Variants in COL24A1 observed in about 807,000 individuals in gnomAD.
COL24A1 encodes collagen alpha-1(XXIV) chain.
COL24A1 carries 224 observed loss-of-function variants against 253.9 expected under a neutral mutation model. That is an observed-to-expected ratio of 0.88 (90% CI 0.79 to 0.99). The LOEUF (loss-of-function observed/expected upper bound fraction) is 0.99. Among genes scored for constraint, COL24A1 ranks in the 50% least tolerant of loss-of-function variants. The pLI, the probability that COL24A1 is intolerant of heterozygous loss-of-function variation, is 0.00. For missense variants in COL24A1, 2,131 were observed against 2,068.5 expected (o/e 1.03, Z -0.59); for synonymous variants, 685 against 673.7 (o/e 1.02, Z -0.26).
chr1:86,078,117 T>G (rs549652620), intron 7 of COL24A1, among the ~76,000 whole-genome samples: 71 of 152,262 alleles, frequency 4.7e-4, no homozygotes, highest in African/African-American at 1.5e-3. Flanking sequence ...CAAGTGGGAT[T>G]TATCTCAGGG....
intron 2 of COL24A1, among the ~76,000 whole-genome samples, chr1:86,141,366 T>C (rs1288080834): frequency 6.6e-6 from 1 of 152,116 alleles, no homozygotes; most frequent in African/African-American, 2.4e-5. Flanking sequence ...AGACCAAAGG[T>C]TAATGACATA....
At chr1:85,740,590 T>G (rs926534178) in intron 57 of COL24A1, among the ~76,000 whole-genome samples, 1 of 152,028 alleles carries the variant, frequency 6.6e-6, no homozygotes, top group African/African-American at 2.4e-5. Flanking sequence ...CCTGGGTAGC[T>G]GGGACCACAG....
intron 43 of COL24A1, among the ~76,000 whole-genome samples, chr1:85,824,986 A>C (rs1674084702): frequency 6.6e-6 from 1 of 151,434 alleles, no homozygotes; most frequent in Admixed American, 6.6e-5. Flanking sequence ...GGTTAGTTAC[A>C]TATGTATACA....
chr1:85,889,790 C>T (rs1682916624), intron 31 of COL24A1, among the ~76,000 whole-genome samples, 177 bp from the exon 32 acceptor site: 1 of 151,584 alleles, frequency 6.6e-6, no homozygotes, highest in Non-Finnish European at 1.5e-5. Flanking sequence ...CTATTTTAAC[C>T]ATTTTTAAAT....
Position 85,868,610 on chromosome 1 carries a change from C to T in COL24A1, c.3209G>A (p.Arg1070Lys), listed in dbSNP as rs1157367285. The change falls in exon 37 of 60, where the codon AGG (arginine) becomes AAG (lysine). Residue 1070 changes from arginine (R) to lysine (K), a missense_variant. Physicochemically the swap from Arg to Lys is conservative, Grantham distance 26. Coordinates refer to ENST00000370571, the MANE Select transcript of COL24A1 (RefSeq NM_152890.7). ...KDGLKGVPGG[R>K]GLPGEDGEKG... is the part of the protein sequence containing the mutation. ...TTCTCCATCCTCTCCAGGAAGTCCC[C>T]TTCCTCCTGGTACTCCCTGTAATGC... 8.1e-6 allele frequency: 13 copies of T among 1,613,626 alleles called. No individual in the cohort carries two copies. Among genetic ancestry groups the T allele is most frequent in the Non-Finnish European group, 1.0e-5 (12 of 1,179,696 alleles).
intron 2 of COL24A1, among the ~76,000 whole-genome samples, chr1:86,134,332 T>C (rs2102336737): frequency 1.3e-5 from 2 of 152,188 alleles, no homozygotes; most frequent in Middle Eastern, 6.8e-3. Flanking sequence ...TGAAGGTTTT[T>C]TGTGTCTCCA....
chr1:85,754,807 T>C (rs1330370814), intron 55 of COL24A1, among the ~76,000 whole-genome samples: 1 of 151,386 alleles, frequency 6.6e-6, no homozygotes, highest in South Asian at 2.1e-4. Flanking sequence ...TGAAGAAAAG[T>C]GAACAGAGAC....
intron 6 of COL24A1, 46 bp downstream of exon 6, chr1:86,092,221 G>A (rs1194109678): frequency 1.4e-6 from 2 of 1,398,356 alleles, no homozygotes; most frequent in African/African-American, 2.9e-5. Flanking sequence ...ATTTTAAAAT[G>A]CTTGAAATAT....
chr1:85,973,814 A>G (rs919793856), intron 20 of COL24A1, among the ~76,000 whole-genome samples: 1 of 152,192 alleles, frequency 6.6e-6, no homozygotes, highest in African/African-American at 2.4e-5. Flanking sequence ...AACCAAAATT[A>G]TAATCTTAAA....
At chr1:86,136,248 G>C (rs1196885089) in intron 2 of COL24A1, among the ~76,000 whole-genome samples, 1 of 151,984 alleles carries the variant, frequency 6.6e-6, no homozygotes, top group Non-Finnish European at 1.5e-5. Context: ...CCCCTTGGCA[G>C]CTTCTGCCTT....
chr1:85,985,068 A>G (rs1047437191), intron 20 of COL24A1, among the ~76,000 whole-genome samples: 5 of 151,900 alleles, frequency 3.3e-5, no homozygotes, highest in African/African-American at 4.8e-5. Flanking sequence ...ATCTTTCTCA[A>G]AAAGATTACA....
chr1:85,924,404 TGATGCAAAAA>T (rs1201323950), intron 24 of COL24A1, among the ~76,000 whole-genome samples: 3 of 152,170 alleles, frequency 2.0e-5, no homozygotes, highest in Non-Finnish European at 4.4e-5. Flanking sequence ...TGATGAACAT[TGATGCAAAAA>T]TCCTCAATAA....
intron 47 of COL24A1, among the ~76,000 whole-genome samples, chr1:85,800,612 GA>G (rs146595924): frequency 0.011 from 1,730 of 152,250 alleles, 31 homozygotes; most frequent in African/African-American, 0.04. Context: ...CAGGAAGCCA[GA>G]ATTTGAACAC....
chr1:85,824,219 G>C (rs762203418), intron 43 of COL24A1, among the ~76,000 whole-genome samples: 7 of 152,188 alleles, frequency 4.6e-5, no homozygotes, highest in Admixed American at 3.3e-4. Flanking sequence ...AGATTGGAGA[G>C]ATGCGGTCAT....
chr1:86,130,871 A>C (rs1473618547), intron 2 of COL24A1, among the ~76,000 whole-genome samples: 2 of 151,970 alleles, frequency 1.3e-5, no homozygotes, highest in East Asian at 3.9e-4. Context: ...TTCTTTTGAC[A>C]AATAGAGCCA....
intron 2 of COL24A1, among the ~76,000 whole-genome samples, chr1:86,131,952 T>G (rs1031472991): frequency 2.6e-5 from 4 of 152,150 alleles, no homozygotes; most frequent in African/African-American, 7.2e-5. Context: ...TTTCCACAAT[T>G]GTTGAACTAG....
intron 21 of COL24A1, 48 bp downstream of exon 21, chr1:85,971,292 T>C: frequency 1.3e-6 from 2 of 1,541,556 alleles, no homozygotes; most frequent in African/African-American, 1.4e-5. Flanking sequence ...AGGGAAAATT[T>C]TAACTAAAAA....
At chr1:85,805,267 T>C (rs375606389) in intron 47 of COL24A1, among the ~76,000 whole-genome samples, 4 of 151,934 alleles carry the variant, frequency 2.6e-5, no homozygotes, top group African/African-American at 9.7e-5. Context: ...GAAAGTGAAA[T>C]GGAAAGAAAG....
At chr1:85,850,337 G>C (rs896544048) in intron 37 of COL24A1, among the ~76,000 whole-genome samples, 14 of 152,116 alleles carry the variant, frequency 9.2e-5, no homozygotes, top group African/African-American at 2.7e-4. Context: ...AAATGATGTA[G>C]ACAAGAAATA....
Sources: allele counts gnomAD v4.1 joint callset (sites outside exome capture counted in the v4.1 genomes callset), GRCh38; gene constraint gnomAD v4.1.1; transcripts MANE v1.5; gene names NCBI Gene and HGNC (gene_info 2026-07-23, HGNC 2026-07-21).